The following CPOX variants were observed in gnomAD, a reference collection of about 807,000 sequenced individuals.
CPOX encodes coproporphyrinogen oxidase.
A neutral mutation model predicts 48.9 loss-of-function variants in CPOX; 24 were observed. The ratio of observed to expected loss-of-function variants is 0.49; its 90% CI spans 0.36 to 0.69. The LOEUF (loss-of-function observed/expected upper bound fraction) is 0.69. CPOX is among the 30% of genes least tolerant of loss of function. The pLI is 0.00. For synonymous variants in CPOX, 249 were observed against 234.6 expected, an observed-to-expected ratio of 1.06 and a Z score of -0.56; for missense variants, 549 against 597.3, an observed-to-expected ratio of 0.92 and a Z score of 0.84.
intron 1 of CPOX, 148 bp downstream of exon 1, chr3:98,592,801 T>A (rs1043139117): frequency 1.1e-5 from 9 of 825,448 alleles, no homozygotes; most frequent in Non-Finnish European, 1.6e-5. Flanking sequence ...TCCATCTTTT[T>A]ATCAGCGGCC....
rs1174814313 is a variant in CPOX, at chr3:98,580,679, T to G, written c.*4A>C. The G allele has an allele frequency of 6.2e-7, 1 of 1,614,154 alleles. No homozygotes were observed. The highest frequency in any genetic ancestry group is 1.7e-5 in the Admixed American group (1 of 60,028). On this transcript the variant is annotated 3_prime_UTR_variant, in exon 7 of 7. Coordinates refer to ENST00000647941, the MANE Select transcript of CPOX (RefSeq NM_000097.7). ...CAAACCCCTGCACAGCCATTCTGCC[T>G]GCATCAACGCACCCAGTCCCTTGGA... is the stretch of plus-strand genomic sequence containing the variant.
In CPOX at chr3:98,592,944, C is replaced by T; in HGVS notation, c.556+5G>A. 6.2e-7 allele frequency: 1 copy of T among 1,611,214 alleles called. No individual in the cohort carries two copies. Among genetic ancestry groups the T allele is most frequent in the African/African-American group, 1.3e-5 (1 of 74,834 alleles). Reference sequence around the variant, plus strand: ...CCAACTCCCGCCAGGGGCCGGCCTCCTTACCTTCCTTCCTCTCCCACCGGT... The same window carrying T: ...CCAACTCCCGCCAGGGGCCGGCCTCTTTACCTTCCTTCCTCTCCCACCGGT... On this transcript the variant is annotated splice_donor_5th_base_variant and intron_variant, in intron 1 of 6. Coordinates refer to ENST00000647941, the MANE Select transcript of CPOX (RefSeq NM_000097.7).
rs1314160704 is a variant in CPOX, at chr3:98,593,211, C to G, written c.294G>C (p.Arg98=). Residue 98 remains arginine (R), a synonymous_variant, in exon 1 of 7, where the codon CGG becomes CGC. Coordinates refer to ENST00000647941, the MANE Select transcript of CPOX (RefSeq NM_000097.7). ...CCGAGGTCTTAGGCAACATCTCCGC[C>G]CGCTGCACATGCCCGAAGGCGGCGG... The part of the protein sequence containing the change: ...LATAAFGHVQ[R]AEMLPKTSGT... The G allele has an allele frequency of 2.5e-6, 4 of 1,588,934 alleles. No individual in the cohort carries two copies. The East Asian group carries it at 9.0e-5, about 36-fold the overall frequency.
At chr3:98,579,235 G>T (rs2178322), downstream of CPOX, among the ~76,000 whole-genome samples, 46,655 of 151,990 alleles carry the variant, frequency 0.31, 7,733 homozygotes, top group Middle Eastern at 0.43. Context: ...AAACATGTGC[G>T]AATTGACTAT....
At chr3:98,592,074 A>G (rs1707491366) in intron 1 of CPOX, among the ~76,000 whole-genome samples, 1 of 152,092 alleles carries the variant, frequency 6.6e-6, no homozygotes, top group Non-Finnish European at 1.5e-5. Context: ...ACAGCCATAA[A>G]AAAGTAACTT....
At chr3:98,573,580 AAAAAC>A in the CPOX span, among the ~76,000 whole-genome samples, 17 of 151,900 alleles carry the variant, frequency 1.1e-4, no homozygotes, top group Non-Finnish European at 2.1e-4. Flanking sequence ...CCTGCCAAAA[AAAAAC>A]AAACAAAAAA....
rs1313772587 is a variant in CPOX, at chr3:98,588,650, A to C, written c.953+63T>G. The C allele has an allele frequency of 2.6e-6, 4 of 1,552,098 alleles. No individual in the cohort carries two copies. In the African/African-American group the frequency reaches 5.4e-5, roughly 21 times the overall value. On this transcript the variant is annotated intron_variant, in intron 4 of 6. Transcript: ENST00000647941. ...AGAAGAGGGTATTTAGTGACATAAT[A>C]GTTGCCTTCAGAAGGAACAGAATGT... is the stretch of plus-strand genomic sequence containing the variant.
chr3:98,586,670 C>A (rs896243117), intron 4 of CPOX, among the ~76,000 whole-genome samples: 1 of 152,094 alleles, frequency 6.6e-6, no homozygotes, highest in African/African-American at 2.4e-5. Context: ...CTGGGCCGGA[C>A]GCGGTGGCTG....
the CPOX span, among the ~76,000 whole-genome samples, chr3:98,573,267 G>C: frequency 6.6e-6 from 1 of 152,136 alleles, no homozygotes; most frequent in Non-Finnish European, 1.5e-5. Flanking sequence ...GCCAACTTCA[G>C]AATCTCCCAA....
chr3:98,590,947 T>C (rs1707467138), intron 2 of CPOX, 65 bp downstream of exon 2: 1 of 1,579,878 alleles, frequency 6.3e-7, no homozygotes, highest in Non-Finnish European at 8.7e-7. Context: ...ATTTTATAAA[T>C]AAAACTTGTG....
intron 4 of CPOX, chr3:98,585,905 C>A (rs999146847): frequency 2.4e-6 from 1 of 417,344 alleles, no homozygotes; most frequent in Non-Finnish European, 4.5e-6. Context: ...CGGACTCTTG[C>A]TCTGTCCCCC....
Position 98,579,824 on chromosome 3 carries a change from C to T in CPOX, c.*859G>A. ...TGCTTTAAAGAAGGAAATTATTTCT[C>T]ATTTCATTTTCCAAATGAGAAACAT... is the stretch of plus-strand genomic sequence containing the variant. On this transcript the variant is annotated 3_prime_UTR_variant, in exon 7 of 7. Transcript: ENST00000647941. The T allele has an allele frequency of 1.0e-6, 1 of 985,340 alleles. No individual in the cohort carries two copies. Among genetic ancestry groups the T allele is most frequent in the Non-Finnish European group, 1.2e-6 (1 of 829,462 alleles). 61.0% of individuals were successfully genotyped at this position (985,340 alleles called of 1,614,324 possible).
At chr3:98,583,910 G>A (rs1403940983) in intron 5 of CPOX, among the ~76,000 whole-genome samples, 1 of 152,136 alleles carries the variant, frequency 6.6e-6, no homozygotes, top group Non-Finnish European at 1.5e-5. Flanking sequence ...CAGAGATAAG[G>A]GAGGCAGAAA....
chr3:98,571,642 C>G, the CPOX span, among the ~76,000 whole-genome samples: 1 of 146,906 alleles, frequency 6.8e-6, no homozygotes, highest in East Asian at 2.0e-4. Context: ...GAGCCGAGAT[C>G]CCGCCACTGC....
chr3:98,588,734 A>G lies in CPOX; in HGVS notation c.932T>C (p.Leu311Pro). The part of the protein sequence containing the change: ...KEACDQHGPD[L>P]YPKFKKWCDD... ...CTACCATTTTTTAAATTTGGGGTAG[A>G]GATCTGGACCATGCTGGTCACAAGC... The change falls in exon 4 of 7, where the codon CTC becomes CCC. Residue 311 changes from leucine (L) to proline (P), a missense_variant. Leu to Pro is a moderately conservative substitution (Grantham distance 98). Coordinates refer to ENST00000647941, the MANE Select transcript of CPOX (RefSeq NM_000097.7). 6.2e-7 allele frequency: 1 copy of G among 1,614,214 alleles called. No individual in the cohort carries two copies. Among genetic ancestry groups the G allele is most frequent in the Non-Finnish European group, 8.5e-7 (1 of 1,180,040 alleles).
the CPOX span, among the ~76,000 whole-genome samples, chr3:98,570,714 T>G: frequency 2.0e-5 from 3 of 152,242 alleles, no homozygotes; most frequent in Non-Finnish European, 4.4e-5. Flanking sequence ...ATGAGGATAC[T>G]AAGAAATATC....
At chr3:98,587,057 G>A (rs1186808564) in intron 4 of CPOX, among the ~76,000 whole-genome samples, 1 of 152,150 alleles carries the variant, frequency 6.6e-6, no homozygotes, top group Non-Finnish European at 1.5e-5. Context: ...CTCTGCATAA[G>A]GGTCCTTAAA....
intron 1 of CPOX, among the ~76,000 whole-genome samples, chr3:98,592,652 GC>G (rs1707502269): frequency 6.6e-6 from 1 of 152,098 alleles, no homozygotes; most frequent in Non-Finnish European, 1.5e-5. Context: ...GGACATCTAA[GC>G]TTGTTAGCTG....
At chr3:98,577,217 G>A (rs903155864), downstream of CPOX, among the ~76,000 whole-genome samples, 4 of 152,136 alleles carry the variant, frequency 2.6e-5, no homozygotes, top group African/African-American at 7.2e-5. Context: ...GAGAAATGTA[G>A]AAGATAAGCC....
Sources: gnomAD v4.1 joint callset for allele counts (sites outside exome capture counted in the v4.1 genomes callset) on GRCh38, gnomAD v4.1.1 for gene constraint, MANE v1.5 for transcripts, NCBI Gene and HGNC (gene_info 2026-07-23, HGNC 2026-07-21) for gene names.